CD226: variants seen among roughly 807,000 people sequenced by gnomAD.
The protein encoded by CD226 is CD226 antigen.
A neutral mutation model predicts 34.9 loss-of-function variants in CD226; 24 were observed. The observed-to-expected ratio is 0.69, with a 90% CI of 0.50 to 0.97. CD226 has a LOEUF of 0.97. Among genes scored for constraint, CD226 ranks in the 50% least tolerant of loss-of-function variants. The probability of loss-of-function intolerance (pLI) is 0.00; values close to 1 mark genes in which losing one functional copy is unlikely to be tolerated. For synonymous variants in CD226, 148 were observed against 147.4 expected (o/e 1.00, Z -0.03); for missense variants, 397 against 412.7 (o/e 0.96, Z 0.33).
rs75149710 is a variant in CD226, at chr18:69,854,035, C to G, written c.*10279G>C. 2.0e-5 allele frequency: 3 copies of G among 152,086 alleles called. No homozygotes were observed. Among genetic ancestry groups the G allele is most frequent in the African/African-American group, 7.2e-5 (3 of 41,396 alleles). The allele number at this position is 152,086 out of a possible 1,614,324, so 9.4% of individuals were successfully genotyped here. A position where few individuals can be genotyped will look rare whatever the true frequency, so the allele number is the denominator to read the frequency against. ...TCAGGGCAAAGAGACAGGTCAGAAA[C>G]CACGATAACAAAAAACATATGTGTT... On this transcript the variant is annotated 3_prime_UTR_variant, in exon 6 of 6. Transcript: ENST00000582621.
intron 2 of CD226, among the ~76,000 whole-genome samples, chr18:69,927,902 C>A (rs577431747): frequency 6.6e-6 from 1 of 152,118 alleles, no homozygotes; most frequent in South Asian, 2.1e-4. Context: ...CATGAGTGTA[C>A]TAAGTTCACA....
Position 69,935,505 on chromosome 18 carries a change from T to C in CD226, c.382+11229A>G, listed in dbSNP as rs76417487. On this transcript the variant is annotated intron_variant, in intron 2 of 5. Coordinates refer to ENST00000582621, the MANE Select transcript of CD226 (RefSeq NM_001303618.2). ...GTTATTTGACAGGCATTGAAGGCTATAGGACACCAGCTCTTACTCATGTGT... is the reference window on the plus strand; with the variant it reads ...GTTATTTGACAGGCATTGAAGGCTACAGGACACCAGCTCTTACTCATGTGT... Among the ~76,000 whole-genome samples, 428 of 152,304 alleles carry C rather than the reference T, an allele frequency of 2.8e-3. 2 individuals are homozygous for C. The highest frequency in any genetic ancestry group is 9.9e-3 in the African/African-American group (410 of 41,566).
At chr18:69,925,670 C>T (rs542785814) in intron 2 of CD226, among the ~76,000 whole-genome samples, 5 of 152,274 alleles carry the variant, frequency 3.3e-5, no homozygotes, top group African/African-American at 1.2e-4. Context: ...CTATTCTGCT[C>T]CATCCCTACT....
chr18:69,923,624 A>C (rs2055481385), intron 2 of CD226, among the ~76,000 whole-genome samples: 2 of 152,200 alleles, frequency 1.3e-5, no homozygotes, highest in Admixed American at 6.5e-5. Context: ...CCTCGATAGA[A>C]GTGACACATC....
rs1982713243 is a variant in CD226 at position 69,859,511 on chromosome 18, T to C, written c.*4803A>G. Reference sequence around the variant, plus strand: ...ATTTCTGAAAGAGACATGAGAAGAGTATTTTATGTGGTGAGTTTGGGGAGA... The same window carrying C: ...ATTTCTGAAAGAGACATGAGAAGAGCATTTTATGTGGTGAGTTTGGGGAGA... On this transcript the variant is annotated 3_prime_UTR_variant, in exon 6 of 6. Coordinates refer to ENST00000582621, the MANE Select transcript of CD226 (RefSeq NM_001303618.2). 6.6e-6 allele frequency: 1 copy of C among 151,682 alleles called. No homozygotes were observed. The highest frequency in any genetic ancestry group is 2.4e-5 in the African/African-American group (1 of 41,288). 9.4% of individuals were successfully genotyped at this position (151,682 alleles called of 1,614,324 possible). A position where few individuals can be genotyped will look rare whatever the true frequency, so the allele number is the denominator to read the frequency against.
At position 69,857,326 on chromosome 18, in the gene CD226, G is replaced by C. The variant is rs939623401; in HGVS notation, c.*6988C>G. 5 of 152,180 alleles carry C rather than the reference G, an allele frequency of 3.3e-5. No homozygotes were observed. Among genetic ancestry groups the C allele is most frequent in the African/African-American group, 1.2e-4 (5 of 41,450 alleles). The allele number at this position is 152,180 out of a possible 1,614,324, so 9.4% of individuals were successfully genotyped here. ...TGAGCTAAAATCAAAATTTGCTTCTGAGGACCATTATACGATAAAAATAAA... is the reference window on the plus strand; with the variant it reads ...TGAGCTAAAATCAAAATTTGCTTCTCAGGACCATTATACGATAAAAATAAA... On this transcript the variant is annotated 3_prime_UTR_variant, in exon 6 of 6. Coordinates refer to ENST00000582621, the MANE Select transcript of CD226 (RefSeq NM_001303618.2).
intron 3 of CD226, among the ~76,000 whole-genome samples, chr18:69,891,771 A>C (rs556391372): frequency 6.6e-6 from 1 of 152,362 alleles, no homozygotes; most frequent in Admixed American, 6.5e-5. Flanking sequence ...TTTAAGAATA[A>C]ACTTAACCAA....
intron 2 of CD226, among the ~76,000 whole-genome samples, chr18:69,906,028 C>T (rs1267614352): frequency 6.6e-6 from 1 of 152,202 alleles, no homozygotes; most frequent in Non-Finnish European, 1.5e-5. Context: ...CCTTCCTCTT[C>T]TCATATTTTC....
intron 2 of CD226, among the ~76,000 whole-genome samples, chr18:69,921,395 C>T (rs7228965): frequency 0.9 from 137,663 of 152,138 alleles, 63,494 homozygotes; most frequent in East Asian, 1. Flanking sequence ...GCTTTGGGGG[C>T]GCAGTTTGCA....
At chr18:69,905,969 C>T (rs935884283) in intron 2 of CD226, among the ~76,000 whole-genome samples, 5 of 152,214 alleles carry the variant, frequency 3.3e-5, no homozygotes, top group African/African-American at 1.2e-4. Context: ...TTAAGCTGTT[C>T]GATTGCATAA....
At chr18:69,875,480 G>A (rs772112302) in intron 3 of CD226, among the ~76,000 whole-genome samples, 19 of 152,152 alleles carry the variant, frequency 1.2e-4, no homozygotes, top group African/African-American at 4.6e-4. Flanking sequence ...TACCAATAAC[G>A]AGTGTACCCA....
intron 2 of CD226, among the ~76,000 whole-genome samples, chr18:69,906,698 C>T (rs2055257994): frequency 2.0e-5 from 3 of 152,186 alleles, no homozygotes; most frequent in South Asian, 2.1e-4. Context: ...ACAATATTCA[C>T]GTTCGTTGTA....
At chr18:69,893,649 T>C (rs1410267688) in intron 3 of CD226, among the ~76,000 whole-genome samples, 1 of 152,228 alleles carries the variant, frequency 6.6e-6, no homozygotes, top group Non-Finnish European at 1.5e-5. Flanking sequence ...AGGTAAGAAG[T>C]TCTTTTTGTC....
chr18:69,882,287 C>A (rs769118766), intron 3 of CD226, among the ~76,000 whole-genome samples: 1 of 152,136 alleles, frequency 6.6e-6, no homozygotes, highest in Non-Finnish European at 1.5e-5. Context: ...AAATACTTGT[C>A]CCAAATAGTT....
At chr18:69,883,350 T>C (rs2051322) in intron 3 of CD226, among the ~76,000 whole-genome samples, 117,019 of 152,098 alleles carry the variant, frequency 0.77, 46,586 homozygotes, top group Non-Finnish European at 0.88. Flanking sequence ...ACAAACGAGG[T>C]AGGTGATGCT....
At chr18:69,956,075 G>A (rs1488689613) in intron 1 of CD226, among the ~76,000 whole-genome samples, 2 of 152,118 alleles carry the variant, frequency 1.3e-5, no homozygotes, top group East Asian at 3.9e-4. Context: ...TCCAGTCAAC[G>A]CAAAGACTCC....
chr18:69,914,502 T>C (rs902213681), intron 2 of CD226, among the ~76,000 whole-genome samples: 2 of 152,226 alleles, frequency 1.3e-5, no homozygotes, highest in African/African-American at 4.8e-5. Context: ...GCTACAGAGT[T>C]CCGTATTTGT....
chr18:69,945,543 A>T (rs1490602896), intron 2 of CD226, among the ~76,000 whole-genome samples: 12 of 152,164 alleles, frequency 7.9e-5, no homozygotes, highest in Non-Finnish European at 2.9e-5. Context: ...TCTCTAGCTA[A>T]ACCTGGATGA....
At chr18:69,900,507 C>T (rs2602150) in intron 2 of CD226, among the ~76,000 whole-genome samples, 57,411 of 151,212 alleles carry the variant, frequency 0.38, 12,457 homozygotes, top group African/African-American at 0.61. Flanking sequence ...CCGAGGCGGG[C>T]GGATCACGAG....
Sources: allele counts gnomAD v4.1 joint callset (sites outside exome capture counted in the v4.1 genomes callset), GRCh38; gene constraint gnomAD v4.1.1; transcripts MANE v1.5; gene names NCBI Gene and HGNC (gene_info 2026-07-23, HGNC 2026-07-21).